The following ARHGAP26 variants were observed in gnomAD, a reference collection of about 807,000 sequenced individuals.
ARHGAP26 encodes rho GTPase-activating protein 26.
In ARHGAP26, 38 loss-of-function variants were observed where a neutral mutation model predicts 104.8. That is an observed-to-expected ratio of 0.36 (90% CI 0.28 to 0.48). The LOEUF is 0.48. Ranked by LOEUF, ARHGAP26 falls within the 20% of genes least tolerant of loss-of-function variation. ARHGAP26 has a pLI of 0.99. For missense variants in ARHGAP26, 704 were observed against 947.9 expected (o/e 0.74, Z 3.38); for synonymous variants, 341 against 340.0 (o/e 1.00, Z -0.03).
At position 143,036,930 on chromosome 5, in the gene ARHGAP26, T is replaced by G. The variant is rs569610659; in HGVS notation, c.1145-266T>G. Among the ~76,000 whole-genome samples, 4 of 152,340 alleles carry G rather than the reference T, an allele frequency of 2.6e-5. No homozygotes were observed. In the South Asian group the frequency reaches 8.3e-4, roughly 32 times the overall value. Reference sequence around the variant, plus strand: ...TTCACCTGTAAATTGAAGATAATTTTACAGGTTACTACAGCTTGAGGTTAC... The same window carrying G: ...TTCACCTGTAAATTGAAGATAATTTGACAGGTTACTACAGCTTGAGGTTAC... On this transcript the variant is annotated intron_variant, in intron 12 of 22. Coordinates refer to ENST00000645722, the MANE Select transcript of ARHGAP26 (RefSeq NM_001135608.3).
At chr5:142,794,920 G>A (rs888569394) in intron 1 of ARHGAP26, among the ~76,000 whole-genome samples, 2 of 152,148 alleles carry the variant, frequency 1.3e-5, no homozygotes, top group Non-Finnish European at 2.9e-5. Flanking sequence ...AGAGCTTGTT[G>A]TGAATCTGTT....
chr5:143,088,653 A>G (rs1790953639), intron 17 of ARHGAP26, among the ~76,000 whole-genome samples: 1 of 152,250 alleles, frequency 6.6e-6, no homozygotes. Context: ...TTTTCTTTAT[A>G]ATTCTCAGCA....
chr5:143,102,897 G>C (rs1336067655), intron 17 of ARHGAP26, among the ~76,000 whole-genome samples: 4 of 151,866 alleles, frequency 2.6e-5, no homozygotes, highest in African/African-American at 7.3e-5. Context: ...GACCAGGGAA[G>C]AGGCAGCACA....
chr5:142,963,128 A>G (rs1414391998), intron 11 of ARHGAP26, among the ~76,000 whole-genome samples: 1 of 146,142 alleles, frequency 6.8e-6, no homozygotes, highest in Non-Finnish European at 1.5e-5. Context: ...AAAGGGCATA[A>G]TCTCATTCTT....
intron 11 of ARHGAP26, among the ~76,000 whole-genome samples, chr5:143,004,456 T>A (rs1777659785): frequency 6.6e-6 from 1 of 152,162 alleles, no homozygotes; most frequent in Admixed American, 6.5e-5. Context: ...CTGACAATGA[T>A]TAAACCCCAA....
intron 22 of ARHGAP26, among the ~76,000 whole-genome samples, chr5:143,221,444 A>C (rs1024786729): frequency 6.2e-5 from 9 of 145,014 alleles, no homozygotes; most frequent in Admixed American, 1.4e-4. Flanking sequence ...AAAAAAAAAA[A>C]CCCCAGAAAA....
At chr5:143,069,244 G>A (rs566208346) in intron 17 of ARHGAP26, among the ~76,000 whole-genome samples, 20 of 152,026 alleles carry the variant, frequency 1.3e-4, no homozygotes, top group East Asian at 3.9e-4. Context: ...TTGTTTACTC[G>A]TTGTTTTCTT....
At chr5:142,936,711 T>C (rs1035181736) in intron 11 of ARHGAP26, among the ~76,000 whole-genome samples, 2 of 151,692 alleles carry the variant, frequency 1.3e-5, no homozygotes, top group Admixed American at 6.6e-5. Flanking sequence ...AACCCAGAAA[T>C]AGACTCACAC....
intron 8 of ARHGAP26, among the ~76,000 whole-genome samples, chr5:142,905,045 G>GC (rs1760915966): frequency 2.0e-5 from 3 of 152,232 alleles, no homozygotes; most frequent in Non-Finnish European, 4.4e-5. Context: ...GCCTGTTGAG[G>GC]TTTATAAGAA....
chr5:142,936,423 T>G (rs1765430293), intron 11 of ARHGAP26, among the ~76,000 whole-genome samples: 1 of 152,040 alleles, frequency 6.6e-6, no homozygotes, highest in Admixed American at 6.6e-5. Context: ...GTTGGAAAAA[T>G]CAACATAGTA....
intron 1 of ARHGAP26, among the ~76,000 whole-genome samples, chr5:142,850,347 C>T (rs988028540): frequency 2.0e-5 from 3 of 152,148 alleles, no homozygotes; most frequent in African/African-American, 7.2e-5. Context: ...GCAGTTTCTC[C>T]TCTGACTGAA....
At chr5:143,195,901 G>A (rs113668758) in intron 20 of ARHGAP26, among the ~76,000 whole-genome samples, 135 of 150,814 alleles carry the variant, frequency 9.0e-4, no homozygotes, top group African/African-American at 3.0e-3. Context: ...AAAACTTTGC[G>A]TATGGGAACA....
intron 20 of ARHGAP26, among the ~76,000 whole-genome samples, chr5:143,182,080 G>A (rs553187949): frequency 7.9e-5 from 12 of 152,246 alleles, no homozygotes; most frequent in African/African-American, 2.6e-4. Flanking sequence ...GTTCTTCCCT[G>A]ATCCTTACAT....
At chr5:142,883,904 G>A (rs1470125343) in intron 4 of ARHGAP26, among the ~76,000 whole-genome samples, 1 of 152,218 alleles carries the variant, frequency 6.6e-6, no homozygotes, top group Non-Finnish European at 1.5e-5. Context: ...GACCATTTTT[G>A]TCTTGTATTT....
chr5:142,953,101 G>A (rs912848907), intron 11 of ARHGAP26, among the ~76,000 whole-genome samples: 1 of 152,164 alleles, frequency 6.6e-6, no homozygotes, highest in African/African-American at 2.4e-5. Flanking sequence ...GTCCATGTAA[G>A]TTGTTCTGTG....
chr5:143,116,668 C>A (rs1795489740), intron 17 of ARHGAP26, among the ~76,000 whole-genome samples: 1 of 152,222 alleles, frequency 6.6e-6, no homozygotes, highest in East Asian at 1.9e-4. Context: ...TCCCCACCAC[C>A]ATCTTTATCT....
chr5:143,022,087 A>AT, intron 12 of ARHGAP26, among the ~76,000 whole-genome samples: 1 of 46,902 alleles, frequency 2.1e-5, no homozygotes, highest in Admixed American at 1.8e-4. Flanking sequence ...GTTTTATTTC[A>AT]TTTATTTTTT....
chr5:142,817,041 G>T (rs1310292474), intron 1 of ARHGAP26, among the ~76,000 whole-genome samples: 1 of 152,096 alleles, frequency 6.6e-6, no homozygotes, highest in South Asian at 2.1e-4. Flanking sequence ...CAGAGGGAGG[G>T]GACAGAGAGG....
At chr5:143,020,647 T>C (rs1780202657) in intron 12 of ARHGAP26, among the ~76,000 whole-genome samples, 1 of 142,430 alleles carries the variant, frequency 7.0e-6, no homozygotes, top group Non-Finnish European at 1.5e-5. Context: ...TTTTTTTTTT[T>C]TTTTTTTTTG....
Sources: allele counts gnomAD v4.1 joint callset (sites outside exome capture counted in the v4.1 genomes callset), GRCh38; gene constraint gnomAD v4.1.1; transcripts MANE v1.5; gene names NCBI Gene and HGNC (gene_info 2026-07-23, HGNC 2026-07-21).